RBPJ: variants seen among roughly 807,000 people sequenced by gnomAD.
RBPJ encodes the protein recombination signal binding protein for immunoglobulin kappa J region.
A neutral mutation model predicts 67.8 loss-of-function variants in RBPJ; 9 were observed. The ratio of observed to expected loss-of-function variants is 0.13; its 90% CI spans 0.08 to 0.23. The LOEUF (loss-of-function observed/expected upper bound fraction) is 0.23. Ranked by LOEUF, RBPJ falls within the 10% of genes least tolerant of loss-of-function variation. RBPJ has a pLI of 1.00. For missense variants in RBPJ, 305 were observed against 595.6 expected (o/e 0.51, Z 5.08); for synonymous variants, 198 against 203.3 (o/e 0.97, Z 0.22).
chr4:26,344,301 T>G (rs555792594), intron 1 of RBPJ, among the ~76,000 whole-genome samples: 1 of 152,140 alleles, frequency 6.6e-6, no homozygotes, highest in African/African-American at 2.4e-5. Context: ...GTGGCGTGAT[T>G]TCGGCTCACT....
intron 1 of RBPJ, among the ~76,000 whole-genome samples, chr4:26,287,886 A>G (rs929244251): frequency 1.3e-5 from 2 of 152,048 alleles, no homozygotes; most frequent in African/African-American, 4.8e-5. Flanking sequence ...TAATTTTGTC[A>G]TTTATTTAAA....
chr4:26,277,383 C>T (rs1455726792), intron 1 of RBPJ, among the ~76,000 whole-genome samples: 1 of 152,138 alleles, frequency 6.6e-6, no homozygotes, highest in East Asian at 1.9e-4. Flanking sequence ...TTGTGGAATT[C>T]CTTAGTTTAT....
intron 1 of RBPJ, among the ~76,000 whole-genome samples, chr4:26,188,455 A>T (rs372859462): frequency 6.6e-6 from 1 of 152,190 alleles, no homozygotes; most frequent in South Asian, 2.1e-4. Context: ...AAAGGTCAAG[A>T]CTTTTAAATA....
chr4:26,224,488 C>T (rs956281838), intron 1 of RBPJ, among the ~76,000 whole-genome samples: 4 of 152,126 alleles, frequency 2.6e-5, no homozygotes, highest in Non-Finnish European at 5.9e-5. Context: ...CCCTAAGTGT[C>T]GGCTGGTCTG....
the RBPJ span, among the ~76,000 whole-genome samples, chr4:26,127,272 C>T: frequency 6.6e-6 from 1 of 152,220 alleles, no homozygotes; most frequent in Non-Finnish European, 1.5e-5. Context: ...ATTTCATGAC[C>T]TTTCAGCTTC....
At chr4:26,316,827 C>CTTTTTTTTT (rs56130072), upstream of RBPJ, among the ~76,000 whole-genome samples, 9 of 71,396 alleles carry the variant, frequency 1.3e-4, 4 homozygotes, top group African/African-American at 1.1e-4. Context: ...ACCCAGACGA[C>CTTTTTTTTT]TTTTTTTTTT....
chr4:26,238,772 A>G lies in RBPJ; in HGVS notation c.-167+75158A>G, dbSNP rs1719535820. 2.0e-5 allele frequency among the ~76,000 whole-genome samples: 3 copies of G among 152,268 alleles called. No individual in the cohort carries two copies. The South Asian group carries it at 6.2e-4, about 32-fold the overall frequency. On this transcript the variant is annotated intron_variant, in intron 1 of 4. Transcript: ENST00000512351. Reference sequence around the variant, plus strand: ...AGAAGTGGTGGGGTCGCGGGAGGATATCTAGAGACAAGGAGGCAGGTGGCT... The same window carrying G: ...AGAAGTGGTGGGGTCGCGGGAGGATGTCTAGAGACAAGGAGGCAGGTGGCT...
chr4:26,228,929 C>A (rs1018489417), intron 1 of RBPJ, among the ~76,000 whole-genome samples: 33 of 152,122 alleles, frequency 2.2e-4, no homozygotes, highest in African/African-American at 7.7e-4. Flanking sequence ...ACTTTTTTTC[C>A]CACCTCCATT....
At chr4:26,302,935 C>T (rs1722117817) in intron 1 of RBPJ, among the ~76,000 whole-genome samples, 1 of 151,592 alleles carries the variant, frequency 6.6e-6, no homozygotes, top group African/African-American at 2.4e-5. Context: ...AATCCCAGCA[C>T]TTTGAGGGAC....
chr4:26,342,867 A>AATT (rs1725690839), intron 1 of RBPJ, among the ~76,000 whole-genome samples: 1 of 152,206 alleles, frequency 6.6e-6, no homozygotes, highest in Non-Finnish European at 1.5e-5. Flanking sequence ...CATTATATAA[A>AATT]TGACAGGTAT....
In RBPJ at chr4:26,328,653, T is replaced by C. The variant is rs962631915; in HGVS notation, c.20+7605T>C. 7.5e-4 allele frequency among the ~76,000 whole-genome samples: 114 copies of C among 152,202 alleles called. 1 individual carries two copies. The highest frequency in any genetic ancestry group is 7.3e-3 in the Admixed American group (112 of 15,290). ...GCTGGTTGGTGTTTTTTAGAGACAGTCTCATTGCTCTGTTGCTCAGCCTGG... is the reference window on the plus strand; with the variant it reads ...GCTGGTTGGTGTTTTTTAGAGACAGCCTCATTGCTCTGTTGCTCAGCCTGG... On this transcript the variant is annotated intron_variant, in intron 1 of 10. Coordinates refer to ENST00000355476, the MANE Select transcript of RBPJ (RefSeq NM_015874.6).
chr4:26,160,616 A>G (rs913732681), upstream of RBPJ, among the ~76,000 whole-genome samples: 1 of 152,228 alleles, frequency 6.6e-6, no homozygotes, highest in Non-Finnish European at 1.5e-5. Context: ...ACGGCGTGGT[A>G]GGGGAGATGG....
Position 26,428,715 on chromosome 4 carries a change from T to C in RBPJ, c.748-5T>C, listed in dbSNP as rs772843104. The C allele has an allele frequency of 1.9e-6, 3 of 1,604,098 alleles. No individual in the cohort carries two copies. In the East Asian group the frequency reaches 6.7e-5, roughly 36 times the overall value. On this transcript the variant is annotated splice_polypyrimidine_tract_variant and splice_region_variant and intron_variant, in intron 7 of 10. Coordinates refer to ENST00000355476, the MANE Select transcript of RBPJ (RefSeq NM_015874.6). The stretch of plus-strand genomic sequence containing the variant: ...GACCTTTTATTTCTTAATTGTTAAA[T>C]ATAGATAATTAGGAAAGTTGATAAG...
At chr4:26,320,904 A>G, upstream of RBPJ, 1 of 1,572,948 alleles carries the variant, frequency 6.4e-7, no homozygotes, top group Non-Finnish European at 8.6e-7. Context: ...GCGAGGGGAA[A>G]GGGAGCGCGG....
At chr4:26,182,727 C>G (rs28795683) in intron 1 of RBPJ, among the ~76,000 whole-genome samples, 15,721 of 151,906 alleles carry the variant, frequency 0.1, 2,694 homozygotes, top group African/African-American at 0.36. Context: ...TTGAACTCCT[C>G]AGCTCAAACG....
chr4:26,171,210 A>G (rs187688479), intron 1 of RBPJ, among the ~76,000 whole-genome samples: 163 of 152,334 alleles, frequency 1.1e-3, no homozygotes, highest in Admixed American at 1.7e-3. Flanking sequence ...TTCACATGAA[A>G]TATTTCTTAA....
intron 1 of RBPJ, chr4:26,323,080 T>G (rs903872138): frequency 1.3e-5 from 2 of 151,668 alleles, no homozygotes; most frequent in African/African-American, 4.8e-5. Context: ...GAAAATACTT[T>G]TTTTTCTGGC....
At chr4:26,130,127 C>A in the RBPJ span, among the ~76,000 whole-genome samples, 606 of 152,274 alleles carry the variant, frequency 4.0e-3, 2 homozygotes, top group African/African-American at 0.014. Context: ...CTCCAAAGTG[C>A]TGGGATTACA....
chr4:26,380,511 C>T (rs1393616365), intron 1 of RBPJ, among the ~76,000 whole-genome samples: 1 of 152,072 alleles, frequency 6.6e-6, no homozygotes, highest in Non-Finnish European at 1.5e-5. Context: ...TACTAAGCAG[C>T]TTCTTAGTAT....
Sources: gnomAD v4.1 joint callset for allele counts (sites outside exome capture counted in the v4.1 genomes callset) on GRCh38, gnomAD v4.1.1 for gene constraint, MANE v1.5 for transcripts, NCBI Gene and HGNC (gene_info 2026-07-23, HGNC 2026-07-21) for gene names.